Variants in MYZAP observed in about 807,000 individuals in gnomAD.
MYZAP encodes myocardial zonula adherens protein, also known as GRINL1A complex locus upstream.
MYZAP carries 66 observed loss-of-function variants against 69.4 expected under a neutral mutation model. The observed-to-expected ratio is 0.95, with a 90% CI of 0.78 to 1.17. The LOEUF is 1.17. Among genes scored for constraint, MYZAP ranks in the 50% most tolerant of loss-of-function variants. MYZAP has a pLI of 0.00. For synonymous variants in MYZAP, 256 were observed against 205.9 expected (o/e 1.24, Z -2.09); for missense variants, 611 against 556.2 (o/e 1.10, Z -0.99).
intron 8 of MYZAP, among the ~76,000 whole-genome samples, chr15:57,636,651 C>T (rs1033434913): frequency 6.6e-6 from 1 of 152,182 alleles, no homozygotes; most frequent in Non-Finnish European, 1.5e-5. Context: ...GTTACACTAA[C>T]ATCTGTAATG....
chr15:57,632,161 A>G (rs2036544186), intron 6 of MYZAP, among the ~76,000 whole-genome samples: 1 of 152,220 alleles, frequency 6.6e-6, no homozygotes, highest in Non-Finnish European at 1.5e-5. Flanking sequence ...TAGAGAAATA[A>G]GTTTCTACCT....
intron 5 of MYZAP, 63 bp from the exon 6 acceptor site, chr15:57,629,639 T>C: frequency 6.4e-7 from 1 of 1,563,560 alleles, no homozygotes; most frequent in South Asian, 1.2e-5. Flanking sequence ...CCCCAGCATG[T>C]GGTGCAGCCC....
intron 10 of MYZAP, among the ~76,000 whole-genome samples, chr15:57,655,390 G>A (rs900157670): frequency 2.6e-5 from 4 of 152,186 alleles, no homozygotes; most frequent in Admixed American, 6.5e-5. Context: ...GGAGCACAGC[G>A]GAAGGGCCTC....
At chr15:57,606,303 A>G (rs1174191735) in intron 2 of MYZAP, among the ~76,000 whole-genome samples, 1 of 152,214 alleles carries the variant, frequency 6.6e-6, no homozygotes, top group Non-Finnish European at 1.5e-5. Flanking sequence ...CACATCACAT[A>G]TGTAATATTC....
intron 12 of MYZAP, among the ~76,000 whole-genome samples, chr15:57,679,340 T>TTGTG (rs34683334): frequency 5.6e-5 from 7 of 125,512 alleles, no homozygotes; most frequent in African/African-American, 2.0e-4. Flanking sequence ...TTTCACCTCT[T>TTGTG]TGTGTGTGTG....
intron 2 of MYZAP, among the ~76,000 whole-genome samples, chr15:57,609,512 C>T (rs140398652): frequency 2.6e-5 from 4 of 152,260 alleles, no homozygotes; most frequent in Non-Finnish European, 5.9e-5. Flanking sequence ...TATAGGGACA[C>T]CAATAGGGCC....
Position 57,618,062 on chromosome 15 carries a change from C to T in MYZAP, c.192C>T (p.Thr64=), listed in dbSNP as rs1321946021. ...TTGACCTGAGCAATGGAGAACCTAC[C>T]AGGAAACTTCCTCAGGGTGTTGTTT... is the stretch of plus-strand genomic sequence containing the variant. ...QLLDLSNGEP[T]RKLPQGVVYG... is the part of the protein sequence containing the mutation. Residue 64 remains threonine (T), a synonymous_variant, in exon 3 of 13, where the codon ACC becomes ACT. Transcript: ENST00000267853. 1 of 1,613,798 alleles carries T rather than the reference C, an allele frequency of 6.2e-7. No homozygotes were observed. Among genetic ancestry groups the T allele is most frequent in the South Asian group, 1.1e-5 (1 of 90,902 alleles).
At chr15:57,655,401 C>T (rs2037960438) in intron 10 of MYZAP, among the ~76,000 whole-genome samples, 1 of 152,206 alleles carries the variant, frequency 6.6e-6, no homozygotes, top group East Asian at 1.9e-4. Context: ...GAAGGGCCTC[C>T]CGTGCCATGC....
intron 2 of MYZAP, 128 bp from the exon 3 acceptor site, chr15:57,617,905 C>T: frequency 7.7e-7 from 1 of 1,300,378 alleles, no homozygotes. Context: ...TTGCTCCCTC[C>T]ATCTCCACTG....
At position 57,612,369 on chromosome 15, in the gene MYZAP, GT is replaced by G. The variant is rs1261148567; in HGVS notation, c.163-5662del. On this transcript the variant is annotated intron_variant, in intron 2 of 12. Transcript: ENST00000267853. ...GTCTGCTATTGTCAGTTTGATGCAT[GT>G]TGAGCTGCATTTCTGCTCTTATTTC... Among the ~76,000 whole-genome samples, 27 of 152,310 alleles carry G rather than the reference GT, an allele frequency of 1.8e-4. 1 individual carries two copies. The highest frequency in any genetic ancestry group is 6.0e-4 in the African/African-American group (25 of 41,566).
chr15:57,621,318 C>T (rs952959454), intron 3 of MYZAP, among the ~76,000 whole-genome samples: 5 of 148,758 alleles, frequency 3.4e-5, no homozygotes, highest in Non-Finnish European at 7.4e-5. Context: ...TCACGTAATT[C>T]TTCTGCCTCA....
intron 2 of MYZAP, among the ~76,000 whole-genome samples, 174 bp from the exon 3 acceptor site, chr15:57,617,859 C>G (rs928280570): frequency 3.3e-5 from 5 of 152,170 alleles, no homozygotes; most frequent in African/African-American, 1.2e-4. Flanking sequence ...AAGCCTATGC[C>G]AAATCACCTT....
chr15:57,659,516 T>A (rs1340137961), intron 10 of MYZAP, among the ~76,000 whole-genome samples: 1 of 152,222 alleles, frequency 6.6e-6, no homozygotes, highest in Non-Finnish European at 1.5e-5. Flanking sequence ...AAAATCTTGG[T>A]TCCAAACATG....
At position 57,685,259 on chromosome 15, in the gene MYZAP, G is replaced by C. The variant is rs538948563; in HGVS notation, c.*761G>C. ...TAATTTAGTGTTCTCAGTATCAATTGGTGTTTTTGTTAAACGAATGAATCA... is the reference window on the plus strand; with the variant it reads ...TAATTTAGTGTTCTCAGTATCAATTCGTGTTTTTGTTAAACGAATGAATCA... On this transcript the variant is annotated 3_prime_UTR_variant, in exon 13 of 13. Coordinates refer to ENST00000267853, the MANE Select transcript of MYZAP (RefSeq NM_001018100.5). 1.1e-4 allele frequency: 17 copies of C among 152,012 alleles called. No individual in the cohort carries two copies. Among genetic ancestry groups the C allele is most frequent in the African/African-American group, 4.1e-4 (17 of 41,458 alleles). 9.4% of individuals were successfully genotyped at this position (152,012 alleles called of 1,614,324 possible).
intron 11 of MYZAP, among the ~76,000 whole-genome samples, chr15:57,665,173 A>C (rs994353980): frequency 6.6e-6 from 1 of 152,244 alleles, no homozygotes. Flanking sequence ...TTAGGTGAAC[A>C]TGAGCAGGGA....
At chr15:57,612,233 C>T (rs889645539) in intron 2 of MYZAP, among the ~76,000 whole-genome samples, 1 of 152,122 alleles carries the variant, frequency 6.6e-6, no homozygotes, top group East Asian at 1.9e-4. Context: ...ACTTGGCTTC[C>T]AGTCTGGAAG....
At position 57,662,838 on chromosome 15, in the gene MYZAP, C is replaced by A. The variant is rs7168720; in HGVS notation, c.1203+1305C>A. On this transcript the variant is annotated intron_variant, in intron 11 of 12. Coordinates refer to ENST00000267853, the MANE Select transcript of MYZAP (RefSeq NM_001018100.5). ...GTGGTGAGCTGAGCCTTCTTTTACTCTGTTTTTGAGGGGTTGCCTTACAGC... is the reference window on the plus strand; with the variant it reads ...GTGGTGAGCTGAGCCTTCTTTTACTATGTTTTTGAGGGGTTGCCTTACAGC... 2.6e-3 allele frequency among the ~76,000 whole-genome samples: 402 copies of A among 152,300 alleles called. 3 individuals are homozygous for A. Among genetic ancestry groups the A allele is most frequent in the African/African-American group, 9.1e-3 (380 of 41,568 alleles).
At chr15:57,647,354 G>A (rs1363995049) in intron 10 of MYZAP, 1 of 985,320 alleles carries the variant, frequency 1.0e-6, no homozygotes, top group Non-Finnish European at 1.2e-6. Flanking sequence ...AGGCAGATTT[G>A]AGAATCTCAT....
intron 10 of MYZAP, among the ~76,000 whole-genome samples, chr15:57,649,967 A>G (rs2037644118): frequency 6.6e-6 from 1 of 152,148 alleles, no homozygotes; most frequent in Admixed American, 6.5e-5. Flanking sequence ...GAGGGCAGGG[A>G]CTTGCATCTA....
Sources: gnomAD v4.1 joint callset for allele counts (sites outside exome capture counted in the v4.1 genomes callset) on GRCh38, gnomAD v4.1.1 for gene constraint, MANE v1.5 for transcripts, NCBI Gene and HGNC (gene_info 2026-07-23, HGNC 2026-07-21) for gene names.